The following DPP10 variants were observed in gnomAD, a reference collection of about 807,000 sequenced individuals.
The protein encoded by DPP10 is inactive dipeptidyl peptidase 10.
A neutral mutation model predicts 120.9 loss-of-function variants in DPP10; 33 were observed. The observed-to-expected ratio is 0.27, with a 90% CI of 0.21 to 0.37. The LOEUF (loss-of-function observed/expected upper bound fraction) is 0.37, where lower values mean the gene tolerates loss of function less well. Among genes scored for constraint, DPP10 ranks in the 10% least tolerant of loss-of-function variants. The pLI is 1.00. For missense variants in DPP10, 816 were observed against 942.8 expected (o/e 0.87, Z 1.76); for synonymous variants, 337 against 326.1 (o/e 1.03, Z -0.36).
At chr2:115,041,328 G>A (rs1171119276) in intron 1 of DPP10, among the ~76,000 whole-genome samples, 2 of 152,032 alleles carry the variant, frequency 1.3e-5, no homozygotes, top group Non-Finnish European at 2.9e-5. Flanking sequence ...CAAGGGATAC[G>A]AACCCTGCTC....
intron 1 of DPP10, among the ~76,000 whole-genome samples, chr2:114,663,668 T>TATATATATAGAGAG: frequency 4.8e-4 from 39 of 80,702 alleles, no homozygotes; most frequent in East Asian, 1.1e-3. Flanking sequence ...TATATATATA[T>TATATATATAGAGAG]AGAGAGAGAG....
chr2:114,925,970 T>G (rs1325736362), intron 1 of DPP10, among the ~76,000 whole-genome samples: 1 of 152,130 alleles, frequency 6.6e-6, no homozygotes, highest in Non-Finnish European at 1.5e-5. Context: ...GGTACAGAGA[T>G]TAACAAGTCT....
At chr2:115,399,905 T>A (rs2067944791) in intron 3 of DPP10, among the ~76,000 whole-genome samples, 1 of 152,116 alleles carries the variant, frequency 6.6e-6, no homozygotes, top group South Asian at 2.1e-4. Context: ...AAAAAAAGGT[T>A]TAATTGGCTC....
chr2:114,721,383 C>T (rs147962388), intron 1 of DPP10, among the ~76,000 whole-genome samples: 17 of 152,280 alleles, frequency 1.1e-4, no homozygotes, highest in Non-Finnish European at 1.2e-4. Context: ...TTTGGAGTGA[C>T]GTCAATTTTA....
intron 3 of DPP10, among the ~76,000 whole-genome samples, chr2:115,363,278 C>A (rs1353342843): frequency 6.6e-6 from 1 of 152,162 alleles, no homozygotes; most frequent in Non-Finnish European, 1.5e-5. Flanking sequence ...AGTTTGTTTG[C>A]ACATTGTACT....
chr2:115,468,850 G>C (rs1252665534), intron 3 of DPP10: 2 of 416,598 alleles, frequency 4.8e-6, no homozygotes, highest in Non-Finnish European at 9.3e-6. Context: ...CTGAAGACTG[G>C]AGCACTCAAG....
intron 2 of DPP10, among the ~76,000 whole-genome samples, chr2:115,325,295 C>T (rs1282932197): frequency 2.6e-5 from 4 of 152,032 alleles, no homozygotes; most frequent in Non-Finnish European, 4.4e-5. Flanking sequence ...TCTGGTTATC[C>T]ACTCTTGCAA....
At chr2:115,756,410 A>G (rs1197181558) in intron 11 of DPP10, among the ~76,000 whole-genome samples, 1 of 152,100 alleles carries the variant, frequency 6.6e-6, no homozygotes. Flanking sequence ...GTCATTACAC[A>G]TTTTTTACAT....
chr2:115,831,562 G>T (rs1688930636), intron 21 of DPP10, among the ~76,000 whole-genome samples: 1 of 152,032 alleles, frequency 6.6e-6, no homozygotes, highest in Admixed American at 6.6e-5. Flanking sequence ...TAAAATCCCA[G>T]TCTGTCAGTG....
chr2:115,024,795 G>A (rs1703342797), intron 1 of DPP10, among the ~76,000 whole-genome samples: 1 of 147,928 alleles, frequency 6.8e-6, no homozygotes, highest in African/African-American at 2.5e-5. Context: ...AAGGTTGTGT[G>A]TGTATACATA....
chr2:114,841,221 C>G (rs1417170123), intron 1 of DPP10, among the ~76,000 whole-genome samples: 1 of 152,172 alleles, frequency 6.6e-6, no homozygotes, highest in African/African-American at 2.4e-5. Flanking sequence ...AAGTCCTAAT[C>G]TATTTTCCCC....
chr2:114,467,037 CA>C (rs35956526), intron 1 of DPP10, among the ~76,000 whole-genome samples: 225 of 136,618 alleles, frequency 1.6e-3, no homozygotes, highest in East Asian at 9.6e-3. Context: ...ACTCCATATC[CA>C]AAAAAAAAAA....
In DPP10 at chr2:114,893,815, T is replaced by A. The variant is rs534545090; in HGVS notation, c.61-415424T>A. On this transcript the variant is annotated intron_variant, in intron 1 of 25. Transcript: ENST00000410059. ...TTCATGAGTAACGTAGAGTTAACCC[T>A]CCAGTTAAAACTGTGAGACAGAAAA... 9.8e-5 allele frequency among the ~76,000 whole-genome samples: 15 copies of A among 152,326 alleles called. No individual in the cohort carries two copies. In the South Asian group the frequency reaches 2.9e-3, roughly 29 times the overall value.
At chr2:115,011,651 A>C (rs1340890159) in intron 1 of DPP10, among the ~76,000 whole-genome samples, 1 of 152,180 alleles carries the variant, frequency 6.6e-6, no homozygotes, top group Non-Finnish European at 1.5e-5. Flanking sequence ...GCAGATTAAG[A>C]TGGCAGATAG....
intron 1 of DPP10, among the ~76,000 whole-genome samples, chr2:114,480,888 AC>A (rs1442542035): frequency 1.0e-4 from 15 of 150,338 alleles, no homozygotes; most frequent in East Asian, 3.9e-4. Flanking sequence ...CCCCCAAAAA[AC>A]AAAAAAAACA....
intron 1 of DPP10, among the ~76,000 whole-genome samples, chr2:114,943,553 T>C (rs956773125): frequency 6.6e-6 from 1 of 152,192 alleles, no homozygotes; most frequent in African/African-American, 2.4e-5. Context: ...ATTACAGGTG[T>C]GAGCCACCAT....
At chr2:115,151,803 C>T (rs1483222954) in intron 1 of DPP10, among the ~76,000 whole-genome samples, 1 of 150,892 alleles carries the variant, frequency 6.6e-6, no homozygotes, top group East Asian at 2.0e-4. Flanking sequence ...ATCTATAATA[C>T]ATGTCACATT....
At chr2:115,720,337 A>G (rs1472138863) in intron 7 of DPP10, among the ~76,000 whole-genome samples, 5 of 152,204 alleles carry the variant, frequency 3.3e-5, no homozygotes, top group South Asian at 4.1e-4. Context: ...TTATCAATTT[A>G]TACATCAAGA....
intron 3 of DPP10, among the ~76,000 whole-genome samples, chr2:115,373,455 T>C (rs1280724146): frequency 2.6e-5 from 4 of 152,032 alleles, no homozygotes; most frequent in African/African-American, 7.2e-5. Context: ...ATTGAAGCTT[T>C]GGAAATGAAT....
Sources: allele counts gnomAD v4.1 joint callset (sites outside exome capture counted in the v4.1 genomes callset), GRCh38; gene constraint gnomAD v4.1.1; transcripts MANE v1.5; gene names NCBI Gene and HGNC (gene_info 2026-07-23, HGNC 2026-07-21).